Variants in GALNT17 observed in about 807,000 individuals in gnomAD.
GALNT17 encodes polypeptide N-acetylgalactosaminyltransferase 17, also known as UDP-GalNAc:polypeptide N-acetylgalactosaminyltransferase-like 3.
Under a neutral mutation model 63.7 loss-of-function variants are expected in GALNT17, and 29 were observed. That is an observed-to-expected ratio of 0.46 (90% confidence interval 0.34 to 0.62). The LOEUF is 0.62. GALNT17 is among the 20% of genes least tolerant of loss of function. The pLI, the probability that GALNT17 is intolerant of heterozygous loss-of-function variation, is 0.01. For synonymous variants in GALNT17, 305 were observed against 318.3 expected (o/e 0.96, Z 0.45); for missense variants, 603 against 799.6 (o/e 0.75, Z 2.97).
intron 5 of GALNT17, among the ~76,000 whole-genome samples, chr7:71,488,180 A>AC (rs963633378): frequency 7.9e-5 from 12 of 151,376 alleles, no homozygotes; most frequent in South Asian, 2.1e-4. Context: ...AAAAAAAAAA[A>AC]AAAAAAAAAC....
At chr7:71,200,236 C>T (rs1243717283) in intron 1 of GALNT17, among the ~76,000 whole-genome samples, 1 of 152,120 alleles carries the variant, frequency 6.6e-6, no homozygotes, top group Non-Finnish European at 1.5e-5. Context: ...AGCCCCATGT[C>T]TTTATCAGTA....
chr7:71,595,887 G>A (rs1415778023), intron 6 of GALNT17, among the ~76,000 whole-genome samples: 2 of 152,102 alleles, frequency 1.3e-5, no homozygotes, highest in Admixed American at 1.3e-4. Context: ...GTTGTCTTTG[G>A]AAAAGACAAT....
intron 5 of GALNT17, among the ~76,000 whole-genome samples, chr7:71,529,660 T>C (rs1788682233): frequency 6.6e-6 from 1 of 152,194 alleles, no homozygotes; most frequent in African/African-American, 2.4e-5. Context: ...AGCTCTGAGC[T>C]TCAAGTAGCA....
intron 5 of GALNT17, among the ~76,000 whole-genome samples, chr7:71,562,297 TC>T (rs1416648926): frequency 1.3e-5 from 2 of 152,108 alleles, no homozygotes; most frequent in African/African-American, 4.8e-5. Context: ...TTCTTTTCTC[TC>T]CACCACTGGA....
chr7:71,146,223 C>A (rs575437275), intron 1 of GALNT17, among the ~76,000 whole-genome samples: 1 of 152,102 alleles, frequency 6.6e-6, no homozygotes, highest in Non-Finnish European at 1.5e-5. Context: ...TGTTCCTCCC[C>A]GGGTGCCACC....
At chr7:71,232,676 G>A (rs1789814162) in intron 1 of GALNT17, among the ~76,000 whole-genome samples, 1 of 152,188 alleles carries the variant, frequency 6.6e-6, no homozygotes, top group Admixed American at 6.5e-5. Flanking sequence ...GCAGAGCAGG[G>A]CTGCCCCATA....
chr7:71,568,854 A>G (rs1789391674), intron 5 of GALNT17, among the ~76,000 whole-genome samples: 1 of 152,230 alleles, frequency 6.6e-6, no homozygotes, highest in South Asian at 2.1e-4. Context: ...TTTACAATGC[A>G]TGGTCCCATG....
intron 1 of GALNT17, among the ~76,000 whole-genome samples, chr7:71,222,325 C>T (rs1375876389): frequency 3.3e-5 from 5 of 152,116 alleles, no homozygotes; most frequent in Non-Finnish European, 7.4e-5. Flanking sequence ...TAATCTGAGC[C>T]TCACACACCC....
chr7:71,435,000 A>G (rs985279060), intron 5 of GALNT17, among the ~76,000 whole-genome samples: 2 of 152,204 alleles, frequency 1.3e-5, no homozygotes, highest in African/African-American at 4.8e-5. Context: ...GGGAATTCAC[A>G]TCACACTAGA....
intron 6 of GALNT17, among the ~76,000 whole-genome samples, chr7:71,574,442 C>G (rs972220457): frequency 2.6e-5 from 4 of 152,274 alleles, no homozygotes; most frequent in Middle Eastern, 3.4e-3. Flanking sequence ...CTGCCTCTTA[C>G]AGTACTTCAA....
chr7:71,408,006 G>A (rs563938467), intron 3 of GALNT17, among the ~76,000 whole-genome samples: 3 of 152,138 alleles, frequency 2.0e-5, no homozygotes, highest in Admixed American at 6.6e-5. Context: ...ACAACATTGC[G>A]AATGTACTCA....
chr7:71,520,951 G>A (rs1253912541), intron 5 of GALNT17, among the ~76,000 whole-genome samples: 1 of 152,154 alleles, frequency 6.6e-6, no homozygotes, highest in African/African-American at 2.4e-5. Context: ...ACCTGTAGTA[G>A]AATTTGATAA....
intron 6 of GALNT17, among the ~76,000 whole-genome samples, chr7:71,574,298 GC>G (rs1295905145): frequency 6.6e-6 from 1 of 152,172 alleles, no homozygotes; most frequent in African/African-American, 2.4e-5. Flanking sequence ...TCCCTGCAGA[GC>G]CCAGTCTGCC....
At chr7:71,464,172 G>A (rs1787498353) in intron 5 of GALNT17, among the ~76,000 whole-genome samples, 1 of 152,176 alleles carries the variant, frequency 6.6e-6, no homozygotes, top group Non-Finnish European at 1.5e-5. Context: ...CATTAAGCGT[G>A]GGGGATTCTT....
chr7:71,201,239 T>TATATCTATATATATATATATATA (rs1554338078), intron 1 of GALNT17, among the ~76,000 whole-genome samples: 1 of 101,564 alleles, frequency 9.8e-6, no homozygotes, highest in African/African-American at 3.8e-5. Flanking sequence ...GTGTGTTTAT[T>TATATCTATATATATATATATATA]TTTATATATA....
At chr7:71,222,969 A>T (rs1789614316) in intron 1 of GALNT17, among the ~76,000 whole-genome samples, 1 of 152,100 alleles carries the variant, frequency 6.6e-6, no homozygotes, top group African/African-American at 2.4e-5. Flanking sequence ...GCTACTCTGG[A>T]GGCTGATGGG....
intron 1 of GALNT17, among the ~76,000 whole-genome samples, chr7:71,232,072 A>G (rs1789800386): frequency 6.6e-6 from 1 of 152,152 alleles, no homozygotes; most frequent in South Asian, 2.1e-4. Context: ...GCTTTGGAGA[A>G]TTCTAGGATT....
Position 71,179,761 on chromosome 7 carries a change from G to C in GALNT17, c.238+46721G>C, listed in dbSNP as rs79932306. On this transcript the variant is annotated intron_variant, in intron 1 of 10. Coordinates refer to ENST00000333538, the MANE Select transcript of GALNT17 (RefSeq NM_022479.3). ...TTTCTGATACATCAAGCCAGTTACA[G>C]TTCTGGATCTCAGGCAAAAGACTGC... Among the ~76,000 whole-genome samples, 139 of 152,236 alleles carry C rather than the reference G, an allele frequency of 9.1e-4. 5 individuals carry two copies. The East Asian group carries it at 0.025, about 27-fold the overall frequency.
intron 6 of GALNT17, among the ~76,000 whole-genome samples, chr7:71,577,909 G>C (rs943789621): frequency 6.6e-6 from 1 of 152,058 alleles, no homozygotes; most frequent in African/African-American, 2.4e-5. Flanking sequence ...GACCTGGGGG[G>C]TGGTTCGCAG....
Sources: allele counts gnomAD v4.1 joint callset (sites outside exome capture counted in the v4.1 genomes callset), GRCh38; gene constraint gnomAD v4.1.1; transcripts MANE v1.5; gene names NCBI Gene and HGNC (gene_info 2026-07-23, HGNC 2026-07-21).